The following HLA-DRB5 variants were observed in gnomAD, a reference collection of about 807,000 sequenced individuals.
The protein encoded by HLA-DRB5 is DR beta-5.
In HLA-DRB5, 11 loss-of-function variants were observed where a neutral mutation model predicts 22.4. That is an observed-to-expected ratio of 0.49 (90% CI 0.31 to 0.81). The LOEUF (loss-of-function observed/expected upper bound fraction) is 0.81, where lower values mean the gene tolerates loss of function less well. HLA-DRB5 is among the 40% of genes least tolerant of loss of function. The probability of loss-of-function intolerance (pLI) is 0.05; values close to 1 mark genes in which losing one functional copy is unlikely to be tolerated. For synonymous variants in HLA-DRB5, 57 were observed against 106.0 expected (o/e 0.54, Z 2.84); for missense variants, 106 against 274.4 (o/e 0.39, Z 4.34).
At chr6:32,523,738 C>A in intron 1 of HLA-DRB5, among the ~76,000 whole-genome samples, 1 of 94,528 alleles carries the variant, frequency 1.1e-5, no homozygotes, top group African/African-American at 3.9e-5. Context: ...ATGCAACTGT[C>A]TACTTTTGCA....
intron 1 of HLA-DRB5, among the ~76,000 whole-genome samples, chr6:32,529,719 A>G (rs1247189344): frequency 5.6e-5 from 7 of 125,642 alleles, no homozygotes; most frequent in East Asian, 2.5e-4. Context: ...AGGATTGTCT[A>G]GGAGAGACCC....
intron 1 of HLA-DRB5, among the ~76,000 whole-genome samples, chr6:32,528,227 T>G: frequency 7.4e-6 from 1 of 135,066 alleles, no homozygotes; most frequent in Non-Finnish European, 1.6e-5. Context: ...TTTCTCTCTT[T>G]TCCACAAACC....
intron 1 of HLA-DRB5, among the ~76,000 whole-genome samples, chr6:32,528,423 A>AAGTGTGGTTTAC (rs1769893583): frequency 8.0e-6 from 1 of 125,378 alleles, no homozygotes; most frequent in Non-Finnish European, 1.7e-5. Flanking sequence ...TGATAAAAAT[A>AAGTGTGGTTTAC]ACTGTGGTTT....
chr6:32,528,126 T>TTA (rs1465161539), intron 1 of HLA-DRB5, among the ~76,000 whole-genome samples: 2,424 of 68,156 alleles, frequency 0.036, 2 homozygotes, highest in East Asian at 0.049. Context: ...CCTTAGATCT[T>TTA]CACGACTGTC....
chr6:32,520,647 C>CT (rs1768728364), intron 2 of HLA-DRB5, among the ~76,000 whole-genome samples: 1 of 90,854 alleles, frequency 1.1e-5, no homozygotes, highest in Non-Finnish European at 2.2e-5. Flanking sequence ...TAGGAAAATC[C>CT]CTAACACTAG....
At chr6:32,529,281 T>TA (rs74836396) in intron 1 of HLA-DRB5, among the ~76,000 whole-genome samples, 16,223 of 86,310 alleles carry the variant, frequency 0.19, 454 homozygotes, top group Middle Eastern at 0.28. Flanking sequence ...ATTTTTGACT[T>TA]ACAAAAATAG....
At chr6:32,528,394 C>A (rs72508457) in intron 1 of HLA-DRB5, among the ~76,000 whole-genome samples, 1 of 128,598 alleles carries the variant, frequency 7.8e-6, no homozygotes, top group Non-Finnish European at 1.7e-5. Context: ...TAGAAGGGAG[C>A]CCAGTACAGA....
At chr6:32,524,662 C>T (rs796347253) in intron 1 of HLA-DRB5, among the ~76,000 whole-genome samples, 670 of 120,610 alleles carry the variant, frequency 5.6e-3, no homozygotes, top group East Asian at 0.039. Flanking sequence ...CTGGATCAAA[C>T]AATGTCTATC....
At chr6:32,520,602 AG>A (rs1768722382) in intron 2 of HLA-DRB5, among the ~76,000 whole-genome samples, 1 of 73,460 alleles carries the variant, frequency 1.4e-5, no homozygotes, top group African/African-American at 5.4e-5. Flanking sequence ...CAAGGCAGGC[AG>A]GGTCTGGGAC....
rs79816074 is a variant in HLA-DRB5 at position 32,521,783 on chromosome 6, CCT to C, written c.370+120_370+121del. On this transcript the variant is annotated intron_variant, in intron 2 of 5. Transcript: ENST00000374975. ...CTAAATGCTCACAGATGGCGCGCTCCCTCTCTGTCTCTCTCTTCCTCTCTCTC... is the reference window on the plus strand; with the variant it reads ...CTAAATGCTCACAGATGGCGCGCTCCCTCTGTCTCTCTCTTCCTCTCTCTC... 4 of 153,272 alleles carry C rather than the reference CCT, an allele frequency of 2.6e-5. 2 individuals carry two copies. Among genetic ancestry groups the C allele is most frequent in the Non-Finnish European group, 3.7e-5 (4 of 106,866 alleles). The allele number at this position is 153,272 out of a possible 1,614,324, so 9.5% of individuals were successfully genotyped here.
chr6:32,520,063 G>C (rs114291341), intron 2 of HLA-DRB5, among the ~76,000 whole-genome samples: 391 of 31,294 alleles, frequency 0.012, 17 homozygotes, highest in African/African-American at 0.025. Flanking sequence ...GATAATTATA[G>C]TAATTTACCT....
chr6:32,529,305 T>G, intron 1 of HLA-DRB5, among the ~76,000 whole-genome samples: 1 of 77,880 alleles, frequency 1.3e-5, no homozygotes, highest in Middle Eastern at 6.8e-3. Flanking sequence ...TTCATATAAT[T>G]TGTCCTATGT....
intron 1 of HLA-DRB5, among the ~76,000 whole-genome samples, chr6:32,526,178 ACT>A (rs1769607641): frequency 1.4e-5 from 1 of 71,870 alleles, no homozygotes. Flanking sequence ...CTCCCTGGAT[ACT>A]CTACTGACTG....
At chr6:32,527,497 CAA>C (rs373469752) in intron 1 of HLA-DRB5, among the ~76,000 whole-genome samples, 2,589 of 25,628 alleles carry the variant, frequency 0.1, 1,158 homozygotes, top group Middle Eastern at 0.28. Context: ...GACTATATCT[CAA>C]AAAAAAAAAA....
At chr6:32,526,128 C>T (rs116509857) in intron 1 of HLA-DRB5, among the ~76,000 whole-genome samples, 3,343 of 84,076 alleles carry the variant, frequency 0.04, 7 homozygotes, top group East Asian at 0.051. Context: ...TAACCTTGTC[C>T]TCTCTTCTAC....
intron 3 of HLA-DRB5, 102 bp downstream of exon 3, chr6:32,519,268 A>C: frequency 1.5e-6 from 1 of 679,984 alleles, no homozygotes; most frequent in Non-Finnish European, 2.3e-6. Context: ...AACATGGAGC[A>C]AATGAAAATA....
chr6:32,524,395 T>A (rs1320642385), intron 1 of HLA-DRB5, among the ~76,000 whole-genome samples: 6 of 126,494 alleles, frequency 4.7e-5, no homozygotes. Context: ...GCTATTTTAT[T>A]CCCATTTAAT....
intron 1 of HLA-DRB5, among the ~76,000 whole-genome samples, chr6:32,524,420 ACG>A (rs1769335384): frequency 8.1e-6 from 1 of 124,124 alleles, no homozygotes; most frequent in Admixed American, 8.2e-5. Context: ...CAACTAACTC[ACG>A]TCTTTCAGTC....
At chr6:32,524,851 T>C (rs1406941053) in intron 1 of HLA-DRB5, among the ~76,000 whole-genome samples, 2,501 of 54,380 alleles carry the variant, frequency 0.046, 87 homozygotes, top group East Asian at 0.1. Context: ...TAAATCTGGA[T>C]TTCCAATAAA....
Sources: allele counts gnomAD v4.1 joint callset (sites outside exome capture counted in the v4.1 genomes callset), GRCh38; gene constraint gnomAD v4.1.1; transcripts MANE v1.5; gene names NCBI Gene and HGNC (gene_info 2026-07-23, HGNC 2026-07-21).